The following SUGCT variants were observed in gnomAD, a reference collection of about 807,000 sequenced individuals.
SUGCT encodes succinyl-CoA:glutarate CoA-transferase.
Under a neutral mutation model 55.0 loss-of-function variants are expected in SUGCT, and 41 were observed. That is an observed-to-expected ratio of 0.74 (90% CI 0.58 to 0.97). SUGCT has a LOEUF of 0.97. Among genes scored for constraint, SUGCT ranks in the 50% least tolerant of loss-of-function variants. The probability of loss-of-function intolerance (pLI) is 0.00; values close to 1 mark genes in which losing one functional copy is unlikely to be tolerated. For synonymous variants in SUGCT, 187 were observed against 200.4 expected, an observed-to-expected ratio of 0.93 and a Z score of 0.56; for missense variants, 568 against 547.8, an observed-to-expected ratio of 1.04 and a Z score of -0.37.
chr7:40,767,830 C>T (rs1788882217), intron 13 of SUGCT, among the ~76,000 whole-genome samples: 1 of 152,146 alleles, frequency 6.6e-6, no homozygotes, highest in Non-Finnish European at 1.5e-5. Context: ...CAATTCCTGA[C>T]ATTTAAGAAA....
At chr7:40,960,431 A>G in the SUGCT span, among the ~76,000 whole-genome samples, 1 of 152,202 alleles carries the variant, frequency 6.6e-6, no homozygotes, top group African/African-American at 2.4e-5. Flanking sequence ...TTTTGAGAAG[A>G]GTCCCATTAG....
chr7:40,824,136 A>G (rs1448158186), intron 13 of SUGCT, among the ~76,000 whole-genome samples: 5 of 152,156 alleles, frequency 3.3e-5, no homozygotes, highest in South Asian at 2.1e-4. Flanking sequence ...ATTCAGGTTC[A>G]TGACAAGTAG....
the SUGCT span, among the ~76,000 whole-genome samples, chr7:40,933,445 C>A: frequency 3.4e-3 from 522 of 152,236 alleles, 3 homozygotes; most frequent in African/African-American, 0.012. Flanking sequence ...ATCTTTGTGG[C>A]ATTCTCTGTA....
the SUGCT span, among the ~76,000 whole-genome samples, chr7:40,960,649 C>A: frequency 6.6e-6 from 1 of 152,170 alleles, no homozygotes; most frequent in South Asian, 2.1e-4. Flanking sequence ...GTATATATTA[C>A]ATCATCTTGG....
chr7:40,836,285 T>C lies in SUGCT; in HGVS notation c.1154-24031T>C, dbSNP rs1174672844. On this transcript the variant is annotated intron_variant, in intron 13 of 13. Transcript: ENST00000335693. Reference sequence around the variant, plus strand: ...AGGTTTTGCTTTTGTTTTTGTTGTCTTTTCATAGCTTTTAAAACCTTTTTA... The same window carrying C: ...AGGTTTTGCTTTTGTTTTTGTTGTCCTTTCATAGCTTTTAAAACCTTTTTA... Among the ~76,000 whole-genome samples, 32 of 152,242 alleles carry C rather than the reference T, an allele frequency of 2.1e-4. 1 individual carries two copies.
Position 40,605,783 on chromosome 7 carries a change from T to G in SUGCT, c.1089+109397T>G, listed in dbSNP as rs1187933199. 2.0e-5 allele frequency among the ~76,000 whole-genome samples: 3 copies of G among 152,202 alleles called. No homozygotes were observed. In the East Asian group the frequency reaches 5.8e-4, roughly 29 times the overall value. The stretch of plus-strand genomic sequence containing the variant: ...GTGAGAGGTAAGTATTAAAAGATAT[T>G]TGTATGTTTGAAAGATACTTGTATG... On this transcript the variant is annotated intron_variant, in intron 12 of 13. Transcript: ENST00000335693.
chr7:40,182,894 A>G (rs1421674425), intron 3 of SUGCT, among the ~76,000 whole-genome samples: 5 of 152,212 alleles, frequency 3.3e-5, no homozygotes, highest in Non-Finnish European at 7.3e-5. Context: ...CGTGGAATCA[A>G]GGGAAGGCCA....
At chr7:40,907,296 C>G in the SUGCT span, among the ~76,000 whole-genome samples, 2 of 152,084 alleles carry the variant, frequency 1.3e-5, no homozygotes, top group African/African-American at 2.4e-5. Context: ...GTGTCATATT[C>G]CCAGACAGAA....
intron 12 of SUGCT, among the ~76,000 whole-genome samples, chr7:40,634,448 T>A (rs1799932737): frequency 6.6e-6 from 1 of 152,166 alleles, no homozygotes. Flanking sequence ...GGTGCCTCCA[T>A]GTGATCCCAC....
chr7:40,324,261 A>ATATATT lies in SUGCT; in HGVS notation c.816+7409_816+7410insATTTAT, dbSNP rs377215730. Among the ~76,000 whole-genome samples, 59 of 99,966 alleles carry ATATATT rather than the reference A, an allele frequency of 5.9e-4. 3 individuals carry two copies. The highest frequency in any genetic ancestry group is 1.7e-3 in the African/African-American group (42 of 25,172). 65.6% of individuals were successfully genotyped at this position (99,966 alleles called of 152,430 possible). A position where few individuals can be genotyped will look rare whatever the true frequency, so the allele number is the denominator to read the frequency against. ...AATAAATAAATAAATAAATATATAT[A>ATATATT]TATTTATTTTTTGAGACAGAGTCTT... On this transcript the variant is annotated intron_variant, in intron 9 of 13. Coordinates refer to ENST00000335693, the MANE Select transcript of SUGCT (RefSeq NM_001193313.2).
At chr7:40,470,130 G>C (rs1790328573) in intron 11 of SUGCT, among the ~76,000 whole-genome samples, 1 of 152,068 alleles carries the variant, frequency 6.6e-6, no homozygotes, top group Non-Finnish European at 1.5e-5. Context: ...TTTTCTGGCT[G>C]ACCTTATTTC....
At chr7:40,581,511 G>A (rs1421509130) in intron 12 of SUGCT, among the ~76,000 whole-genome samples, 3 of 152,142 alleles carry the variant, frequency 2.0e-5, no homozygotes, top group African/African-American at 7.2e-5. Context: ...GAAAGATGTG[G>A]AAATTAATTT....
chr7:40,222,947 G>A (rs1168921296), intron 6 of SUGCT, among the ~76,000 whole-genome samples: 1 of 151,744 alleles, frequency 6.6e-6, no homozygotes, highest in African/African-American at 2.4e-5. Flanking sequence ...TTAATTTTTG[G>A]CACAAGCACA....
the SUGCT span, among the ~76,000 whole-genome samples, chr7:40,915,001 C>T: frequency 4.6e-5 from 7 of 152,008 alleles, no homozygotes; most frequent in East Asian, 1.9e-4. Context: ...TTATTCTTAC[C>T]GTAATCATAA....
chr7:40,182,555 C>G (rs1466776891), intron 3 of SUGCT, among the ~76,000 whole-genome samples: 2 of 147,546 alleles, frequency 1.4e-5, no homozygotes, highest in African/African-American at 5.1e-5. Flanking sequence ...GAGCAAGACT[C>G]CGTTTCAAAA....
Position 40,569,706 on chromosome 7 carries a change from T to TA in SUGCT, c.1089+73330dup, listed in dbSNP as rs60244762. ...GAATTGTCTCAATATGGAAGGATTA[T>TA]AAAAAAAAAACTTTGACTTAACTCA... On this transcript the variant is annotated intron_variant, in intron 12 of 13. Coordinates refer to ENST00000335693, the MANE Select transcript of SUGCT (RefSeq NM_001193313.2). Among the ~76,000 whole-genome samples, 488 of 148,872 alleles carry TA rather than the reference T, an allele frequency of 3.3e-3. 2 individuals are homozygous for TA. Among genetic ancestry groups the TA allele is most frequent in the African/African-American group, 0.011 (460 of 40,686 alleles).
Position 40,594,337 on chromosome 7 carries a change from T to TA in SUGCT, c.1089+97964dup, listed in dbSNP as rs1229884904. On this transcript the variant is annotated intron_variant, in intron 12 of 13. Coordinates refer to ENST00000335693, the MANE Select transcript of SUGCT (RefSeq NM_001193313.2). ...ACTTAAAGTATAAAAAAAAAAAAAGTAAAAAAAAAAAAATATGATGTAAAA... is the reference window on the plus strand; with the variant it reads ...ACTTAAAGTATAAAAAAAAAAAAAGTAAAAAAAAAAAAAATATGATGTAAAA... Among the ~76,000 whole-genome samples the TA allele has an allele frequency of 4.9e-3, 672 of 135,908 alleles. 7 individuals are homozygous for TA. Among genetic ancestry groups the TA allele is most frequent in the East Asian group, 0.03 (141 of 4,654 alleles). The allele number at this position is 135,908 out of a possible 152,430, so 89.2% of individuals were successfully genotyped here. A position where few individuals can be genotyped will look rare whatever the true frequency, so the allele number is the denominator to read the frequency against.
intron 11 of SUGCT, among the ~76,000 whole-genome samples, chr7:40,481,749 A>C (rs1791059287): frequency 6.6e-6 from 1 of 152,276 alleles, no homozygotes; most frequent in Middle Eastern, 3.4e-3. Flanking sequence ...ATCAATGATA[A>C]AAATTATAAT....
At chr7:40,245,404 C>CACACAT (rs1252155153) in intron 7 of SUGCT, among the ~76,000 whole-genome samples, 7 of 53,308 alleles carry the variant, frequency 1.3e-4, no homozygotes, top group African/African-American at 6.5e-4. Flanking sequence ...ACGTAGTAGA[C>CACACAT]ATATATATAT....
Sources: gnomAD v4.1 joint callset for allele counts (sites outside exome capture counted in the v4.1 genomes callset) on GRCh38, gnomAD v4.1.1 for gene constraint, MANE v1.5 for transcripts, NCBI Gene and HGNC (gene_info 2026-07-23, HGNC 2026-07-21) for gene names.